Variants in FGF12 observed in about 807,000 individuals in gnomAD.
The protein encoded by FGF12 is fibroblast growth factor 12B.
A neutral mutation model predicts 23.6 loss-of-function variants in FGF12; 14 were observed. The observed-to-expected ratio is 0.59, with a 90% confidence interval of 0.39 to 0.93. The LOEUF is 0.93. FGF12 is among the 40% of genes least tolerant of loss of function. FGF12 has a pLI of 0.00. For synonymous variants in FGF12, 62 were observed against 77.3 expected (o/e 0.80, Z 1.04); for missense variants, 175 against 217.8 (o/e 0.80, Z 1.24).
In FGF12 at chr3:192,503,604, T is replaced by G. The variant is rs1461524731; in HGVS notation, c.14-143066A>C. 5.2e-3 allele frequency among the ~76,000 whole-genome samples: 82 copies of G among 15,718 alleles called. No homozygotes were observed. In the South Asian group the frequency reaches 0.15, roughly 29 times the overall value. The allele number at this position is 15,718 out of a possible 152,430, so 10.3% of individuals were successfully genotyped here. A position where few individuals can be genotyped will look rare whatever the true frequency, so the allele number is the denominator to read the frequency against. On this transcript the variant is annotated intron_variant, in intron 2 of 5. Coordinates refer to ENST00000445105, the MANE Select transcript of FGF12 (RefSeq NM_004113.6). ...TTTTTTTTTGGTGTGTGTGTGTGTGTTTTTTTTTTTTTTTTTTGAGATGGA... is the reference window on the plus strand; with the variant it reads ...TTTTTTTTTGGTGTGTGTGTGTGTGGTTTTTTTTTTTTTTTTTGAGATGGA...
intron 4 of FGF12, among the ~76,000 whole-genome samples, chr3:192,295,869 AATTT>A (rs1715000715): frequency 1.3e-5 from 2 of 151,886 alleles, no homozygotes; most frequent in African/African-American, 4.8e-5. Flanking sequence ...TAATTTAATT[AATTT>A]ATTTTTAAAT....
intron 2 of FGF12, chr3:192,521,290 T>G (rs1007107924): frequency 2.0e-5 from 3 of 152,234 alleles, no homozygotes; most frequent in Non-Finnish European, 2.9e-5. Context: ...TTCAAATAGA[T>G]ACCTCCAGGA....
chr3:192,520,223 T>C (rs1458653726), intron 2 of FGF12, among the ~76,000 whole-genome samples: 1 of 152,220 alleles, frequency 6.6e-6, no homozygotes, highest in South Asian at 2.1e-4. Flanking sequence ...TGATATATCA[T>C]GTAGAGCTAG....
intron 4 of FGF12, among the ~76,000 whole-genome samples, chr3:192,178,903 C>G (rs1305369691): frequency 2.6e-5 from 4 of 152,196 alleles, no homozygotes; most frequent in Non-Finnish European, 5.9e-5. Context: ...GGGGAATCTT[C>G]CAACACAATT....
chr3:192,307,024 C>T (rs1168735901), intron 4 of FGF12, among the ~76,000 whole-genome samples: 2 of 152,140 alleles, frequency 1.3e-5, no homozygotes, highest in Admixed American at 1.3e-4. Context: ...ACTATGATCA[C>T]ACATCATGTA....
intron 2 of FGF12, among the ~76,000 whole-genome samples, chr3:192,605,015 CCT>C (rs746099451): frequency 2.9e-4 from 44 of 152,006 alleles, no homozygotes; most frequent in Non-Finnish European, 5.9e-4. Context: ...AAACTGGGCC[CCT>C]GTCTTTCATG....
intron 2 of FGF12, among the ~76,000 whole-genome samples, chr3:192,566,798 A>T (rs148200602): frequency 8.8e-4 from 134 of 152,354 alleles, no homozygotes; most frequent in African/African-American, 3.2e-3. Context: ...CTGAAAATTT[A>T]TAATTATAAA....
At chr3:192,237,306 G>A (rs542047526) in intron 4 of FGF12, among the ~76,000 whole-genome samples, 2 of 152,162 alleles carry the variant, frequency 1.3e-5, no homozygotes, top group East Asian at 1.9e-4. Context: ...TGATGACTAC[G>A]TGTCTTGGGG....
chr3:192,270,146 A>G (rs948609491), intron 4 of FGF12, among the ~76,000 whole-genome samples: 4 of 152,206 alleles, frequency 2.6e-5, no homozygotes, highest in Non-Finnish European at 5.9e-5. Context: ...TATAAAATTC[A>G]AGGCCTTTTT....
At chr3:192,485,400 T>C (rs1394487401) in intron 2 of FGF12, among the ~76,000 whole-genome samples, 2 of 152,170 alleles carry the variant, frequency 1.3e-5, no homozygotes, top group African/African-American at 4.8e-5. Context: ...AAGTTAAATA[T>C]TAATGCTTCG....
At chr3:192,625,147 T>C (rs961544783) in intron 2 of FGF12, among the ~76,000 whole-genome samples, 3 of 152,154 alleles carry the variant, frequency 2.0e-5, no homozygotes, top group African/African-American at 7.2e-5. Flanking sequence ...TTACTTTACA[T>C]AATCATCTTT....
chr3:192,233,639 G>A lies in FGF12; in HGVS notation c.229-62983C>T, dbSNP rs139128499. Among the ~76,000 whole-genome samples the A allele has an allele frequency of 9.3e-3, 1,420 of 152,166 alleles. 13 individuals are homozygous for A. The highest frequency in any genetic ancestry group is 0.031 in the Middle Eastern group (9 of 294). Reference sequence around the variant, plus strand: ...CCTTTGCCAAGGTCATGTCCAGAGTGGTATTTCCTAGATTTTTTTTCTAGG... The same window carrying A: ...CCTTTGCCAAGGTCATGTCCAGAGTAGTATTTCCTAGATTTTTTTTCTAGG... On this transcript the variant is annotated intron_variant, in intron 4 of 5. Coordinates refer to ENST00000445105, the MANE Select transcript of FGF12 (RefSeq NM_004113.6).
chr3:192,378,917 C>T (rs1719692864), intron 2 of FGF12, among the ~76,000 whole-genome samples: 2 of 152,122 alleles, frequency 1.3e-5, no homozygotes, highest in South Asian at 4.2e-4. Context: ...TCCGAACCTC[C>T]ACCCTCAAGA....
intron 4 of FGF12, among the ~76,000 whole-genome samples, chr3:192,269,200 A>G (rs1713272517): frequency 6.6e-6 from 1 of 152,188 alleles, no homozygotes; most frequent in Admixed American, 6.5e-5. Context: ...GATTACAGGC[A>G]TGAGCTAACA....
intron 4 of FGF12, among the ~76,000 whole-genome samples, chr3:192,321,912 C>T (rs1459995791): frequency 6.6e-6 from 1 of 152,104 alleles, no homozygotes; most frequent in African/African-American, 2.4e-5. Flanking sequence ...GGGAACAAGA[C>T]AAGGATGCCC....
chr3:192,645,434 T>C (rs577565770), intron 2 of FGF12, among the ~76,000 whole-genome samples: 1 of 152,268 alleles, frequency 6.6e-6, no homozygotes, highest in Admixed American at 6.5e-5. Flanking sequence ...GAATTTAAGA[T>C]GATGCTCAGA....
chr3:192,309,400 G>T (rs1337535343), intron 4 of FGF12, among the ~76,000 whole-genome samples: 1 of 152,206 alleles, frequency 6.6e-6, no homozygotes, highest in Non-Finnish European at 1.5e-5. Context: ...CATCATCTCT[G>T]TGGAGGTACT....
intron 4 of FGF12, among the ~76,000 whole-genome samples, chr3:192,285,237 A>G (rs1488978084): frequency 6.6e-6 from 1 of 152,050 alleles, no homozygotes; most frequent in Non-Finnish European, 1.5e-5. Context: ...TATTATCTCC[A>G]TTTTACAGAT....
chr3:192,439,007 A>G (rs1182256589), intron 2 of FGF12, among the ~76,000 whole-genome samples: 1 of 152,202 alleles, frequency 6.6e-6, no homozygotes, highest in East Asian at 1.9e-4. Context: ...AGTTGCATAT[A>G]CTGGTTTGCA....
Sources: allele counts gnomAD v4.1 joint callset (sites outside exome capture counted in the v4.1 genomes callset), GRCh38; gene constraint gnomAD v4.1.1; transcripts MANE v1.5; gene names NCBI Gene and HGNC (gene_info 2026-07-23, HGNC 2026-07-21).